AMOTL1: variants seen among roughly 807,000 people sequenced by gnomAD.
AMOTL1 encodes the protein angiomotin-like protein 1.
A neutral mutation model predicts 102.9 loss-of-function variants in AMOTL1; 45 were observed. The ratio of observed to expected loss-of-function variants is 0.44; its 90% confidence interval spans 0.34 to 0.56. AMOTL1 has a LOEUF of 0.56. Among genes scored for constraint, AMOTL1 ranks in the 20% least tolerant of loss-of-function variants. The pLI, the probability that AMOTL1 is intolerant of heterozygous loss-of-function variation, is 0.01. For missense variants in AMOTL1, 1,114 were observed against 1,225.6 expected, an observed-to-expected ratio of 0.91 and a Z score of 1.36; for synonymous variants, 481 against 484.7, an observed-to-expected ratio of 0.99 and a Z score of 0.10.
chr11:94,756,039 T>TGGAATGTGACCTTCCGCTGGAGTC (rs1324854134), intron 3 of AMOTL1, among the ~76,000 whole-genome samples: 1 of 152,008 alleles, frequency 6.6e-6, no homozygotes, highest in Admixed American at 6.5e-5. Flanking sequence ...GGGATGGAGT[T>TGGAATGTGACCTTCCGCTGGAGTC]GGAATGTGAC....
chr11:94,779,596 A>AT (rs886189517), intron 1 of AMOTL1, among the ~76,000 whole-genome samples: 1 of 151,524 alleles, frequency 6.6e-6, no homozygotes, highest in Non-Finnish European at 1.5e-5. Context: ...TATTTTCGTA[A>AT]TTTTTTTTTC....
chr11:94,845,746 C>G (rs1001060038), intron 6 of AMOTL1, among the ~76,000 whole-genome samples: 22 of 152,178 alleles, frequency 1.4e-4, no homozygotes, highest in Non-Finnish European at 5.9e-5. Flanking sequence ...ACTGTGGTTT[C>G]AAGAGTAAAC....
chr11:94,833,136 C>T (rs1396169634), intron 6 of AMOTL1, among the ~76,000 whole-genome samples: 2 of 152,184 alleles, frequency 1.3e-5, no homozygotes, highest in Admixed American at 1.3e-4. Context: ...GTTCTGAAGG[C>T]AAACACAAGA....
chr11:94,858,583 C>T (rs1952712837), intron 8 of AMOTL1, among the ~76,000 whole-genome samples: 1 of 152,112 alleles, frequency 6.6e-6, no homozygotes, highest in Non-Finnish European at 1.5e-5. Context: ...TTAAAATTTG[C>T]AACCACTGGA....
chr11:94,738,239 C>A (rs1429810663), intron 2 of AMOTL1, among the ~76,000 whole-genome samples: 2 of 146,190 alleles, frequency 1.4e-5, no homozygotes, highest in African/African-American at 2.5e-5. Context: ...GAAAATAAGA[C>A]CAGAGAGCAT....
chr11:94,850,024 T>C, intron 6 of AMOTL1, 90 bp from the exon 7 acceptor site: 1 of 1,401,070 alleles, frequency 7.1e-7, no homozygotes, highest in South Asian at 1.5e-5. Context: ...TGCTTTTTTA[T>C]TTTTAATCCT....
At chr11:94,752,532 G>A (rs143870161) in intron 3 of AMOTL1, among the ~76,000 whole-genome samples, 22 of 152,324 alleles carry the variant, frequency 1.4e-4, no homozygotes, top group African/African-American at 5.1e-4. Flanking sequence ...TGGCACATAT[G>A]TGTGGTTATG....
chr11:94,788,291 C>T (rs751272155), intron 1 of AMOTL1, among the ~76,000 whole-genome samples: 1 of 152,218 alleles, frequency 6.6e-6, no homozygotes, highest in East Asian at 1.9e-4. Flanking sequence ...TTTTCCAGCT[C>T]TAACATGTTA....
Position 94,718,139 on chromosome 11 carries a change from T to C in AMOTL1, c.-50-10782T>C, listed in dbSNP as rs1291437404. Reference sequence around the variant, plus strand: ...CTGCTATTCCTTGAAGGCCTGTCTCTATGTGATTAAAAGTGTACATGTGTA... The same window carrying C: ...CTGCTATTCCTTGAAGGCCTGTCTCCATGTGATTAAAAGTGTACATGTGTA... On this transcript the variant is annotated intron_variant, in intron 1 of 4. Coordinates refer to the AMOTL1 transcript ENST00000299004. 7.2e-5 allele frequency among the ~76,000 whole-genome samples: 11 copies of C among 152,120 alleles called. No individual in the cohort carries two copies. In the South Asian group the frequency reaches 1.9e-3, roughly 26 times the overall value.
chr11:94,707,604 G>C (rs910322826), intron 1 of AMOTL1, among the ~76,000 whole-genome samples: 15 of 152,244 alleles, frequency 9.9e-5, no homozygotes, highest in African/African-American at 3.4e-4. Context: ...AGAGATGTTT[G>C]CTTTGTTTTA....
intron 4 of AMOTL1, among the ~76,000 whole-genome samples, chr11:94,822,112 C>T (rs537821809): frequency 1.3e-5 from 2 of 152,272 alleles, no homozygotes; most frequent in African/African-American, 4.8e-5. Flanking sequence ...AGTAGGATTA[C>T]CCCACCTGGA....
At position 94,799,502 on chromosome 11, in the gene AMOTL1, G is replaced by A. The variant is rs1951428884; in HGVS notation, c.312G>A (p.Gln104=). Residue 104 remains glutamine, a synonymous_variant, in exon 3 of 13, where the codon CAG becomes CAA. Transcript: ENST00000433060. The surrounding 1 kb of genome is among the most constrained non-coding windows in gnomAD (Gnocchi z 4.5). ...AAGTVLQRLI[Q]EQLRYGTPTE... The stretch of plus-strand genomic sequence containing the variant: ...GAACAGTATTGCAGCGGCTGATCCA[G>A]GAACAACTGCGGTATGGCACCCCAA... The A allele has an allele frequency of 2.5e-6, 4 of 1,613,074 alleles. No individual in the cohort carries two copies. Among genetic ancestry groups the A allele is most frequent in the Non-Finnish European group, 3.4e-6 (4 of 1,179,510 alleles).
chr11:94,800,134 T>A lies in AMOTL1; in HGVS notation c.944T>A (p.Phe315Tyr), dbSNP rs767848498. The change falls in exon 3 of 13, where the codon TTC (phenylalanine) becomes TAC (tyrosine). Residue 315 changes from phenylalanine (F) to tyrosine (Y), a missense_variant. Phe to Tyr is a conservative substitution (Grantham distance 22). Transcript: ENST00000433060. Reference sequence around the variant, plus strand: ...CGGGGTCCTCCACCTGAGTACCCCTTCAAGACCAAGCAAATGATGTCCCCA... The same window carrying A: ...CGGGGTCCTCCACCTGAGTACCCCTACAAGACCAAGCAAATGATGTCCCCA... ...DPRGPPPEYP[F>Y]KTKQMMSPVS... 1 of 1,613,892 alleles carries A rather than the reference T, an allele frequency of 6.2e-7. No homozygotes were observed. The highest frequency in any genetic ancestry group is 8.5e-7 in the Non-Finnish European group (1 of 1,179,852).
At chr11:94,729,891 T>C (rs1033264889) in intron 2 of AMOTL1, among the ~76,000 whole-genome samples, 1 of 152,202 alleles carries the variant, frequency 6.6e-6, no homozygotes, top group Non-Finnish European at 1.5e-5. Flanking sequence ...GACTATACTC[T>C]CTGATGTGCC....
At chr11:94,861,940 A>G (rs575474933) in intron 9 of AMOTL1, among the ~76,000 whole-genome samples, 2 of 152,130 alleles carry the variant, frequency 1.3e-5, no homozygotes, top group Admixed American at 6.5e-5. Context: ...CCCAGTCACA[A>G]TCACCCACTC....
At chr11:94,764,909 T>C (rs1467203736), upstream of AMOTL1, among the ~76,000 whole-genome samples, 3 of 152,320 alleles carry the variant, frequency 2.0e-5, no homozygotes, top group East Asian at 5.8e-4. Context: ...TATTATTTTA[T>C]AGAGGAGGAA....
intron 3 of AMOTL1, among the ~76,000 whole-genome samples, chr11:94,813,070 A>T (rs933739343): frequency 8.5e-5 from 13 of 152,332 alleles, no homozygotes; most frequent in Non-Finnish European, 1.6e-4. Context: ...ACCTAGCCTT[A>T]TATTTTCCTT....
intron 1 of AMOTL1, among the ~76,000 whole-genome samples, chr11:94,780,948 T>A (rs1951101598): frequency 6.6e-6 from 1 of 152,176 alleles, no homozygotes. Flanking sequence ...CTTTTTTTGT[T>A]CTTTAAATCT....
intron 1 of AMOTL1, among the ~76,000 whole-genome samples, chr11:94,716,327 C>A (rs1950098530): frequency 6.6e-6 from 1 of 152,146 alleles, no homozygotes; most frequent in Non-Finnish European, 1.5e-5. Flanking sequence ...ATTCCAACAT[C>A]TGAGTCTCTT....
Sources: allele counts gnomAD v4.1 joint callset (sites outside exome capture counted in the v4.1 genomes callset), GRCh38; gene constraint gnomAD v4.1.1; non-coding constraint Gnocchi (gnomAD v3.1); transcripts MANE v1.5; gene names NCBI Gene and HGNC (gene_info 2026-07-23, HGNC 2026-07-21).